EXOSC2: variants seen among roughly 807,000 people sequenced by gnomAD.
The protein encoded by EXOSC2 is exosome component 2, also known as exosome complex component RRP4.
In EXOSC2, 29 loss-of-function variants were observed where a neutral mutation model predicts 37.6. The ratio of observed to expected loss-of-function variants is 0.77; its 90% CI spans 0.57 to 1.05. The LOEUF is 1.05. Ranked by LOEUF, EXOSC2 falls within the 50% of genes least tolerant of loss-of-function variation. The pLI is 0.00. For synonymous variants in EXOSC2, 119 were observed against 131.1 expected (o/e 0.91, Z 0.63); for missense variants, 346 against 365.6 (o/e 0.95, Z 0.44).
chr9:130,697,014 AT>A (rs1831111489), intron 2 of EXOSC2, among the ~76,000 whole-genome samples: 2 of 152,170 alleles, frequency 1.3e-5, no homozygotes, highest in Non-Finnish European at 2.9e-5. Flanking sequence ...GTTGAGTAGG[AT>A]TTGGAATTCA....
At chr9:130,696,530 A>G (rs1220948057) in intron 2 of EXOSC2, among the ~76,000 whole-genome samples, 1 of 152,118 alleles carries the variant, frequency 6.6e-6, no homozygotes, top group Non-Finnish European at 1.5e-5. Flanking sequence ...ATCTGAAGTG[A>G]TGGTGGCTTC....
rs549126631 is a variant in EXOSC2, at chr9:130,699,309, C to T, written c.361-20C>T. 3.3e-5 allele frequency: 54 copies of T among 1,613,626 alleles called. 2 individuals are homozygous for T. The South Asian group carries it at 5.3e-4, about 16-fold the overall frequency. On this transcript the variant is annotated intron_variant, in intron 4 of 8. Coordinates refer to ENST00000372358, the MANE Select transcript of EXOSC2 (RefSeq NM_014285.7). ...TCTGAGGATCTGGCTTAAGTAATGTCATTTCTTTGTGTATTTCAGAGGAGA... is the reference window on the plus strand; with the variant it reads ...TCTGAGGATCTGGCTTAAGTAATGTTATTTCTTTGTGTATTTCAGAGGAGA...
At chr9:130,701,293 G>A (rs1478279098) in intron 6 of EXOSC2, 1 of 211,904 alleles carries the variant, frequency 4.7e-6, no homozygotes, top group African/African-American at 2.3e-5. Context: ...AAGGCAGGCT[G>A]GGTCTGGTTA....
chr9:130,698,520 G>T lies in EXOSC2; in HGVS notation c.360+269G>T, dbSNP rs1219844661. 6.6e-6 allele frequency among the ~76,000 whole-genome samples: 1 copy of T among 152,224 alleles called. No homozygotes were observed. The highest frequency in any genetic ancestry group is 1.5e-5 in the Non-Finnish European group (1 of 68,036). On this transcript the variant is annotated intron_variant, in intron 4 of 8. Transcript: ENST00000372358. This position sits in a 1 kb window ranked among gnomAD's most constrained non-coding sequence, Gnocchi z 4.1. ...GAGTTGGGGAGAGAAGCCCTTAGATGCTGGTTGTTAACAGTTTTCCTTTTT... is the reference window on the plus strand; with the variant it reads ...GAGTTGGGGAGAGAAGCCCTTAGATTCTGGTTGTTAACAGTTTTCCTTTTT...
chr9:130,695,326 G>A lies in EXOSC2; in HGVS notation c.123-166G>A, dbSNP rs80050395. Among the ~76,000 whole-genome samples the A allele has an allele frequency of 5.1e-3, 780 of 152,312 alleles. 6 individuals are homozygous for A. The highest frequency in any genetic ancestry group is 0.018 in the African/African-American group (729 of 41,556). On this transcript the variant is annotated intron_variant, in intron 1 of 8. Coordinates refer to ENST00000372358, the MANE Select transcript of EXOSC2 (RefSeq NM_014285.7). The stretch of plus-strand genomic sequence containing the variant: ...CCTGAGTGAGAGGAGTGATGTCCAA[G>A]TAGCTGTCTGGAGAAGGAGCACTGA...
At position 130,703,921 on chromosome 9, in the gene EXOSC2, G is replaced by A; in HGVS notation, c.*147G>A. On this transcript the variant is annotated 3_prime_UTR_variant, in exon 9 of 9. Coordinates refer to ENST00000372358, the MANE Select transcript of EXOSC2 (RefSeq NM_014285.7). ...GTGACGGCCTCCAGCCCACAGGCCT[G>A]CTTTCTCCTGTCCTAACACCAAGCC... The A allele has an allele frequency of 4.9e-6, 3 of 614,378 alleles. No individual in the cohort carries two copies. Among genetic ancestry groups the A allele is most frequent in the East Asian group, 5.5e-5 (2 of 36,096 alleles). The allele number at this position is 614,378 out of a possible 1,614,324, so 38.1% of individuals were successfully genotyped here. A position where few individuals can be genotyped will look rare whatever the true frequency, so the allele number is the denominator to read the frequency against.
intron 6 of EXOSC2, chr9:130,701,859 G>A (rs1370379281): frequency 8.4e-7 from 1 of 1,191,594 alleles, no homozygotes; most frequent in Non-Finnish European, 1.0e-6. Flanking sequence ...TCTAATGTCT[G>A]GCACATGAGT....
intron 2 of EXOSC2, among the ~76,000 whole-genome samples, chr9:130,695,933 T>C (rs1831085484): frequency 6.8e-6 from 1 of 147,170 alleles, no homozygotes; most frequent in African/African-American, 2.5e-5. Context: ...TGATCTCGGC[T>C]CACTACAACC....
chr9:130,701,711 T>A (rs917197883), intron 6 of EXOSC2: 1 of 848,284 alleles, frequency 1.2e-6, no homozygotes, highest in African/African-American at 1.8e-5. Flanking sequence ...TCCACCCATC[T>A]CCTTACCTAC....
At chr9:130,696,397 A>C (rs1588196643) in intron 2 of EXOSC2, among the ~76,000 whole-genome samples, 1 of 152,284 alleles carries the variant, frequency 6.6e-6, no homozygotes, top group Non-Finnish European at 1.5e-5. Flanking sequence ...TAATCTGGGA[A>C]GCACTGGAAG....
At chr9:130,697,704 T>G in intron 3 of EXOSC2, 77 bp downstream of exon 3, 1 of 1,357,842 alleles carries the variant, frequency 7.4e-7, no homozygotes, top group South Asian at 1.2e-5. Flanking sequence ...TCATTCCACT[T>G]GTAGTTACAT....
At chr9:130,703,630 A>G in intron 8 of EXOSC2, 64 bp from the exon 9 acceptor site, 2 of 1,268,118 alleles carry the variant, frequency 1.6e-6, no homozygotes, top group Non-Finnish European at 2.2e-6. Flanking sequence ...TTATGTTTGG[A>G]TTGGCTTGGT....
intron 5 of EXOSC2, among the ~76,000 whole-genome samples, chr9:130,700,035 T>C (rs1344195069): frequency 1.3e-5 from 2 of 151,784 alleles, no homozygotes; most frequent in Non-Finnish European, 2.9e-5. Context: ...AAATTTTTCT[T>C]TTTTTTTAAT....
chr9:130,697,024 C>G (rs552932907), intron 2 of EXOSC2, among the ~76,000 whole-genome samples: 1 of 152,224 alleles, frequency 6.6e-6, no homozygotes, highest in Admixed American at 6.5e-5. Flanking sequence ...ATTTGGAATT[C>G]AGGAGAGTGG....
At chr9:130,702,589 G>GTTTGT (rs386416346) in intron 7 of EXOSC2, among the ~76,000 whole-genome samples, 1 of 151,876 alleles carries the variant, frequency 6.6e-6, no homozygotes, top group Non-Finnish European at 1.5e-5. Context: ...TTTTTTGTTT[G>GTTTGT]TTTGTTTTGT....
At chr9:130,701,839 C>T (rs900171778) in intron 6 of EXOSC2, 18 of 1,139,010 alleles carry the variant, frequency 1.6e-5, no homozygotes, top group African/African-American at 3.2e-5. Context: ...TCCTCATTGG[C>T]TTCAGCTTCT....
At chr9:130,701,752 GTGTT>G in intron 6 of EXOSC2, 2 of 877,208 alleles carry the variant, frequency 2.3e-6, no homozygotes, top group Non-Finnish European at 2.8e-6. Context: ...GGCAAGATGA[GTGTT>G]TGGGGTTCAG....
rs1204830890 is a variant in EXOSC2, at chr9:130,698,883, A to C, written c.361-446A>C. ...TTATACAAAAGGAAATTTCAGTGAGAGAAGCTTGTAGGAAAGACAGGCATT... is the reference window on the plus strand; with the variant it reads ...TTATACAAAAGGAAATTTCAGTGAGCGAAGCTTGTAGGAAAGACAGGCATT... On this transcript the variant is annotated intron_variant, in intron 4 of 8. Coordinates refer to ENST00000372358, the MANE Select transcript of EXOSC2 (RefSeq NM_014285.7). This position sits in a 1 kb window ranked among gnomAD's most constrained non-coding sequence, Gnocchi z 4.1. Among the ~76,000 whole-genome samples the C allele has an allele frequency of 6.6e-6, 1 of 152,218 alleles. No individual in the cohort carries two copies. Among genetic ancestry groups the C allele is most frequent in the Non-Finnish European group, 1.5e-5 (1 of 68,032 alleles).
chr9:130,701,906 T>C (rs191417229), intron 6 of EXOSC2: 87 of 1,351,538 alleles, frequency 6.4e-5, no homozygotes, highest in Non-Finnish European at 8.2e-5. Flanking sequence ...CAAAGGGAAA[T>C]GACAGAGAAG....
Sources: gnomAD v4.1 joint callset for allele counts (sites outside exome capture counted in the v4.1 genomes callset) on GRCh38, gnomAD v4.1.1 for gene constraint, Gnocchi (gnomAD v3.1) non-coding constraint, MANE v1.5 for transcripts, NCBI Gene and HGNC (gene_info 2026-07-23, HGNC 2026-07-21) for gene names.